IL5: variants seen among roughly 807,000 people sequenced by gnomAD.
IL5 encodes interleukin-5.
IL5 carries 12 observed loss-of-function variants against 16.3 expected under a neutral mutation model. The observed-to-expected ratio is 0.74, with a 90% confidence interval of 0.47 to 1.20. The LOEUF (loss-of-function observed/expected upper bound fraction) is 1.20. Ranked by LOEUF, IL5 falls within the 50% of genes most tolerant of loss-of-function variation. The pLI, the probability that IL5 is intolerant of heterozygous loss-of-function variation, is 0.00. For missense variants in IL5, 159 were observed against 153.9 expected (o/e 1.03, Z -0.17); for synonymous variants, 54 against 56.6 (o/e 0.95, Z 0.21).
At chr5:132,546,109 A>T (rs577555293), upstream of IL5, among the ~76,000 whole-genome samples, 1 of 152,330 alleles carries the variant, frequency 6.6e-6, no homozygotes, top group Non-Finnish European at 1.5e-5. Flanking sequence ...GTTATAAAAA[A>T]TACTTCTTAT....
Position 132,541,601 on chromosome 5 carries a change from G to A in IL5, c.*210C>T, listed in dbSNP as rs1391351213. On this transcript the variant is annotated 3_prime_UTR_variant, in exon 4 of 4. Transcript: ENST00000231454. ...AAAAAGTATATCAATTTTGCCTGGAGGAAAATACTTCAATGATTCTGATAT... is the reference window on the plus strand; with the variant it reads ...AAAAAGTATATCAATTTTGCCTGGAAGAAAATACTTCAATGATTCTGATAT... The A allele has an allele frequency of 2.0e-5, 9 of 454,336 alleles. No individual in the cohort carries two copies. In the East Asian group the frequency reaches 3.2e-4, roughly 16 times the overall value. 28.1% of individuals were successfully genotyped at this position (454,336 alleles called of 1,614,324 possible).
At chr5:132,547,989 A>G (rs1404958442), upstream of IL5, among the ~76,000 whole-genome samples, 1 of 152,212 alleles carries the variant, frequency 6.6e-6, no homozygotes, top group Non-Finnish European at 1.5e-5. Context: ...GAATTACTTG[A>G]ACCCAGGAGG....
intron 1 of IL5, among the ~76,000 whole-genome samples, chr5:132,555,805 G>A (rs1421824644): frequency 7.2e-5 from 11 of 152,162 alleles, no homozygotes; most frequent in Admixed American, 3.9e-4. Context: ...GTGAGCCACC[G>A]CGCCTGGCCA....
intron 1 of IL5, 102 bp downstream of exon 1, chr5:132,543,233 A>ATTATTTATAATAATGAATAAT: frequency 2.1e-6 from 3 of 1,413,048 alleles, no homozygotes; most frequent in Non-Finnish European, 3.0e-6. Context: ...TAATGTGCTC[A>ATTATTTATAATAATGAATAAT]GAATCTTATT....
At chr5:132,551,117 G>A (rs1749876703) in intron 1 of IL5, among the ~76,000 whole-genome samples, 1 of 152,044 alleles carries the variant, frequency 6.6e-6, no homozygotes, top group Admixed American at 6.6e-5. Flanking sequence ...GTAAAACAAG[G>A]AATAAAGAAA....
At chr5:132,548,219 G>T (rs988131325), upstream of IL5, among the ~76,000 whole-genome samples, 10 of 149,930 alleles carry the variant, frequency 6.7e-5, no homozygotes, top group Non-Finnish European at 1.5e-4. Flanking sequence ...AACATAGTGA[G>T]ACCCTGTCTC....
At chr5:132,543,724 C>T (rs115420208), upstream of IL5, 2,236 of 329,128 alleles carry the variant, frequency 6.8e-3, 34 homozygotes, top group African/African-American at 0.043. Flanking sequence ...TTTTCTATTA[C>T]GAAGAATCTT....
intron 1 of IL5, among the ~76,000 whole-genome samples, chr5:132,549,685 C>T (rs1749852569): frequency 6.6e-6 from 1 of 152,166 alleles, no homozygotes; most frequent in Non-Finnish European, 1.5e-5. Context: ...AACACATTGG[C>T]AACATGTCTT....
At chr5:132,545,787 G>T (rs1749773953), upstream of IL5, among the ~76,000 whole-genome samples, 1 of 152,200 alleles carries the variant, frequency 6.6e-6, no homozygotes, top group Non-Finnish European at 1.5e-5. Flanking sequence ...AGGCGTGGTG[G>T]TGTGTGCCTG....
chr5:132,556,790 G>T, exon 1 of IL5: 1 of 1,198,752 alleles, frequency 8.3e-7, no homozygotes, highest in African/African-American at 1.6e-5. Flanking sequence ...AAAAGTCAGT[G>T]CCTCTCCAGG....
intron 1 of IL5, among the ~76,000 whole-genome samples, chr5:132,552,747 T>C (rs1348246181): frequency 6.6e-6 from 1 of 152,144 alleles, no homozygotes; most frequent in Non-Finnish European, 1.5e-5. Context: ...GAATTATTAT[T>C]ATTTTTGAGA....
chr5:132,553,813 T>C (rs1237481892), intron 1 of IL5, among the ~76,000 whole-genome samples: 3 of 151,690 alleles, frequency 2.0e-5, no homozygotes, highest in Admixed American at 6.6e-5. Context: ...CGGGCGCCTG[T>C]AGTCCCAGCT....
At chr5:132,545,658 T>C (rs1011196244), upstream of IL5, among the ~76,000 whole-genome samples, 10 of 152,190 alleles carry the variant, frequency 6.6e-5, no homozygotes, top group African/African-American at 2.4e-4. Context: ...ATAGCATGCA[T>C]GATCTGTCTA....
exon 1 of IL5, chr5:132,556,724 T>C: frequency 8.1e-7 from 1 of 1,236,608 alleles, no homozygotes; most frequent in Non-Finnish European, 1.0e-6. Context: ...ATTCCAGGAG[T>C]CCCAGGATCA....
intron 1 of IL5, among the ~76,000 whole-genome samples, chr5:132,548,700 C>G (rs1307079250): frequency 6.6e-6 from 1 of 152,162 alleles, no homozygotes; most frequent in Non-Finnish European, 1.5e-5. Context: ...TGGAATGACG[C>G]CCTATCCAGG....
upstream of IL5, among the ~76,000 whole-genome samples, chr5:132,545,147 C>T (rs962848257): frequency 6.6e-6 from 1 of 152,100 alleles, no homozygotes; most frequent in African/African-American, 2.4e-5. Context: ...TAGGCTTGGT[C>T]AAAGTGCTCT....
upstream of IL5, among the ~76,000 whole-genome samples, chr5:132,546,515 A>T (rs189254920): frequency 8.0e-4 from 122 of 152,264 alleles, 1 homozygote; most frequent in African/African-American, 2.8e-3. Context: ...ATTTCATTGG[A>T]TGTCTATACC....
At chr5:132,544,797 C>G (rs1452477052), upstream of IL5, among the ~76,000 whole-genome samples, 1 of 152,206 alleles carries the variant, frequency 6.6e-6, no homozygotes, top group Non-Finnish European at 1.5e-5. Context: ...GCGTCAAGAA[C>G]AGATGGTACC....
At chr5:132,554,291 C>T (rs563616624) in intron 1 of IL5, among the ~76,000 whole-genome samples, 13 of 146,906 alleles carry the variant, frequency 8.8e-5, no homozygotes, top group African/African-American at 2.5e-4. Flanking sequence ...CACTTGAACG[C>T]GGGAGGTGGA....
Sources: gnomAD v4.1 joint callset for allele counts (sites outside exome capture counted in the v4.1 genomes callset) on GRCh38, gnomAD v4.1.1 for gene constraint, MANE v1.5 for transcripts, NCBI Gene and HGNC (gene_info 2026-07-23, HGNC 2026-07-21) for gene names.